The following KCNG3 variants were observed in gnomAD, a reference collection of about 807,000 sequenced individuals.
KCNG3 encodes the protein potassium voltage-gated channel modifier subfamily G member 3, also known as voltage-gated potassium channel regulatory subunit KCNG3.
KCNG3 carries 15 observed loss-of-function variants against 29.0 expected under a neutral mutation model. That is an observed-to-expected ratio of 0.52 (90% CI 0.35 to 0.80). KCNG3 has a LOEUF of 0.80. Ranked by LOEUF, KCNG3 falls within the 30% of genes least tolerant of loss-of-function variation. KCNG3 has a pLI of 0.01. For synonymous variants in KCNG3, 322 were observed against 248.9 expected, an observed-to-expected ratio of 1.29 and a Z score of -2.76; for missense variants, 512 against 605.7, an observed-to-expected ratio of 0.85 and a Z score of 1.62.
chr2:42,462,893 A>G (rs946701741), intron 1 of KCNG3, among the ~76,000 whole-genome samples: 16 of 152,104 alleles, frequency 1.1e-4, no homozygotes, highest in African/African-American at 3.9e-4. Flanking sequence ...TTTTTTTAAA[A>G]CCTGGCATCT....
chr2:42,419,253 TGAGA>T, the KCNG3 span, among the ~76,000 whole-genome samples: 1 of 120,874 alleles, frequency 8.3e-6, no homozygotes, highest in Admixed American at 9.5e-5. Context: ...TTTTTTTTTT[TGAGA>T]TAGAGTCTCA....
chr2:42,434,918 TAA>T, the KCNG3 span, among the ~76,000 whole-genome samples: 1 of 151,976 alleles, frequency 6.6e-6, no homozygotes, highest in Non-Finnish European at 1.5e-5. Context: ...AATAAACAAA[TAA>T]AATTGGACTC....
chr2:42,454,409 T>C (rs532828644), intron 1 of KCNG3, among the ~76,000 whole-genome samples: 20 of 152,270 alleles, frequency 1.3e-4, no homozygotes, highest in South Asian at 2.1e-4. Context: ...GAATTTAATA[T>C]TGAATTTAAA....
chr2:42,489,097 C>G (rs1051483499), intron 1 of KCNG3, among the ~76,000 whole-genome samples: 1 of 151,360 alleles, frequency 6.6e-6, no homozygotes, highest in South Asian at 2.1e-4. Context: ...GAGTTCACAA[C>G]AGGCCTGGGC....
the KCNG3 span, among the ~76,000 whole-genome samples, chr2:42,418,549 A>G: frequency 6.6e-6 from 1 of 152,160 alleles, no homozygotes; most frequent in Non-Finnish European, 1.5e-5. Context: ...TGTTGCAACA[A>G]TTTCTATGTA....
At chr2:42,454,165 T>C (rs1339958733) in intron 1 of KCNG3, among the ~76,000 whole-genome samples, 1 of 149,888 alleles carries the variant, frequency 6.7e-6, no homozygotes, top group African/African-American at 2.5e-5. Flanking sequence ...TGTAAAAGGG[T>C]ACATCCACTA....
At chr2:42,412,759 GAGAA>G in the KCNG3 span, among the ~76,000 whole-genome samples, 1 of 151,908 alleles carries the variant, frequency 6.6e-6, no homozygotes, top group African/African-American at 2.4e-5. Flanking sequence ...TTTGTTTGTT[GAGAA>G]AGAAATACAT....
the KCNG3 span, among the ~76,000 whole-genome samples, chr2:42,393,203 G>C: frequency 6.6e-6 from 1 of 150,588 alleles, no homozygotes; most frequent in African/African-American, 2.4e-5. Flanking sequence ...TGCAATAAGT[G>C]ATTATTATGA....
intron 1 of KCNG3, chr2:42,464,080 G>T: frequency 4.8e-6 from 1 of 210,148 alleles, no homozygotes. Flanking sequence ...CTCAACAAAT[G>T]ACATTTTGAA....
the KCNG3 span, among the ~76,000 whole-genome samples, chr2:42,393,138 G>A: frequency 6.6e-6 from 1 of 151,786 alleles, no homozygotes; most frequent in Non-Finnish European, 1.5e-5. Context: ...CATAGAGTTG[G>A]TAGTAAGAGA....
chr2:42,438,317 A>G (rs1490060486), downstream of KCNG3, among the ~76,000 whole-genome samples: 1 of 152,180 alleles, frequency 6.6e-6, no homozygotes, highest in Non-Finnish European at 1.5e-5. Flanking sequence ...AGAACTATAG[A>G]ATTATTTCCA....
intron 1 of KCNG3, among the ~76,000 whole-genome samples, chr2:42,452,907 G>C (rs1319791489): frequency 6.6e-6 from 1 of 152,114 alleles, no homozygotes; most frequent in East Asian, 1.9e-4. Flanking sequence ...TCAGCATCTT[G>C]AGCAGCTGGG....
chr2:42,453,588 C>A (rs748458510), intron 1 of KCNG3, among the ~76,000 whole-genome samples: 6 of 152,072 alleles, frequency 3.9e-5, no homozygotes, highest in Non-Finnish European at 7.4e-5. Flanking sequence ...GTTTGAGCTC[C>A]TTATACATTC....
chr2:42,486,314 G>T (rs895619554), intron 1 of KCNG3, among the ~76,000 whole-genome samples: 1 of 152,170 alleles, frequency 6.6e-6, no homozygotes, highest in African/African-American at 2.4e-5. Flanking sequence ...ATCCAGTCAC[G>T]TCTCACCGTC....
At chr2:42,479,714 A>C (rs1366373894) in intron 1 of KCNG3, among the ~76,000 whole-genome samples, 1 of 151,822 alleles carries the variant, frequency 6.6e-6, no homozygotes, top group African/African-American at 2.4e-5. Context: ...AGCATCTCTG[A>C]AATTAACACA....
chr2:42,492,813 G>C (rs957732761), intron 1 of KCNG3, 24 bp downstream of exon 1: 3 of 1,452,668 alleles, frequency 2.1e-6, no homozygotes, highest in East Asian at 2.6e-5. Context: ...CGGACGGGAC[G>C]GGTAGAGAAG....
chr2:42,399,552 C>A, the KCNG3 span, among the ~76,000 whole-genome samples: 2 of 151,990 alleles, frequency 1.3e-5, no homozygotes, highest in African/African-American at 4.8e-5. Flanking sequence ...ATTTATTTAG[C>A]CTTTTGACCA....
intron 1 of KCNG3, among the ~76,000 whole-genome samples, chr2:42,449,005 G>A (rs1043380227): frequency 4.6e-5 from 7 of 151,830 alleles, no homozygotes; most frequent in Non-Finnish European, 1.0e-4. Context: ...AAAAAAACAT[G>A]CTTATACAGA....
intron 1 of KCNG3, among the ~76,000 whole-genome samples, chr2:42,457,425 G>T (rs1443954127): frequency 6.6e-6 from 1 of 151,860 alleles, no homozygotes; most frequent in Non-Finnish European, 1.5e-5. Flanking sequence ...GCCTGGGGAG[G>T]TTGAAGCTGA....
Sources: gnomAD v4.1 joint callset for allele counts (sites outside exome capture counted in the v4.1 genomes callset) on GRCh38, gnomAD v4.1.1 for gene constraint, MANE v1.5 for transcripts, NCBI Gene and HGNC (gene_info 2026-07-23, HGNC 2026-07-21) for gene names.